Variants in TCF4 observed in about 807,000 individuals in gnomAD.
TCF4 encodes transcription factor 4, also known as SL3-3 enhancer factor 2.
A neutral mutation model predicts 82.1 loss-of-function variants in TCF4; 3 were observed. That is an observed-to-expected ratio of 0.04 (90% CI 0.02 to 0.09). The LOEUF is 0.09. Ranked by LOEUF, TCF4 falls within the 10% of genes least tolerant of loss-of-function variation. The pLI, the probability that TCF4 is intolerant of heterozygous loss-of-function variation, is 1.00. For missense variants in TCF4, 518 were observed against 852.7 expected (o/e 0.61, Z 4.89); for synonymous variants, 276 against 309.6 (o/e 0.89, Z 1.14).
intron 8 of TCF4, among the ~76,000 whole-genome samples, chr18:55,296,195 T>C (rs2066459495): frequency 6.6e-6 from 1 of 152,012 alleles, no homozygotes; most frequent in African/African-American, 2.4e-5. Context: ...CTGAAACTGA[T>C]AATCTCAGGC....
At chr18:55,531,414 G>A (rs1386518240) in intron 3 of TCF4, among the ~76,000 whole-genome samples, 1 of 152,114 alleles carries the variant, frequency 6.6e-6, no homozygotes, top group African/African-American at 2.4e-5. Context: ...AGTAGAGAAT[G>A]GGGGAAGGAA....
intron 9 of TCF4, among the ~76,000 whole-genome samples, chr18:55,278,450 A>G (rs1404906041): frequency 2.0e-5 from 3 of 152,258 alleles, no homozygotes; most frequent in Non-Finnish European, 4.4e-5. Context: ...AGTGCCACAC[A>G]CATATCAGGA....
intron 3 of TCF4, among the ~76,000 whole-genome samples, chr18:55,570,834 G>T (rs1470628226): frequency 6.7e-6 from 1 of 149,716 alleles, no homozygotes; most frequent in Non-Finnish European, 1.5e-5. Flanking sequence ...GTGAGCCGAG[G>T]TTGCAAAACT....
At chr18:55,246,251 G>GTGTGTGTT in intron 15 of TCF4, among the ~76,000 whole-genome samples, 1 of 150,436 alleles carries the variant, frequency 6.6e-6, no homozygotes, top group East Asian at 1.9e-4. Context: ...GTGTGTGTGT[G>GTGTGTGTT]TGTGTGTGTG....
At chr18:55,541,482 T>C (rs1190700902) in intron 3 of TCF4, among the ~76,000 whole-genome samples, 1 of 152,050 alleles carries the variant, frequency 6.6e-6, no homozygotes, top group East Asian at 1.9e-4. Flanking sequence ...ATAAAAATCA[T>C]GTTGATGCTA....
intron 3 of TCF4, among the ~76,000 whole-genome samples, chr18:55,500,656 C>T (rs979430519): frequency 3.9e-5 from 6 of 152,208 alleles, no homozygotes; most frequent in African/African-American, 1.4e-4. Context: ...CTCTCACCCT[C>T]AAGAGAGTGG....
chr18:55,382,141 G>A (rs1255107076), intron 6 of TCF4, among the ~76,000 whole-genome samples: 3 of 152,004 alleles, frequency 2.0e-5, no homozygotes, highest in African/African-American at 7.2e-5. Flanking sequence ...TTCTATATTG[G>A]GATATATATT....
intron 5 of TCF4, among the ~76,000 whole-genome samples, chr18:55,410,713 A>C (rs2094310027): frequency 6.6e-6 from 1 of 152,072 alleles, no homozygotes. Flanking sequence ...TAGATGTATC[A>C]TTATTAGTGC....
At chr18:55,237,496 G>C (rs1396519931) in intron 15 of TCF4, among the ~76,000 whole-genome samples, 1 of 135,598 alleles carries the variant, frequency 7.4e-6, no homozygotes, top group Non-Finnish European at 1.5e-5. Context: ...TGGAGACAGA[G>C]TCTTGCTCTG....
chr18:55,575,768 T>C (rs1026332084), intron 3 of TCF4, among the ~76,000 whole-genome samples: 3 of 152,168 alleles, frequency 2.0e-5, no homozygotes, highest in African/African-American at 2.4e-5. Context: ...GGTATACACA[T>C]ACACACACAC....
At chr18:55,380,241 G>T (rs151149562) in intron 6 of TCF4, among the ~76,000 whole-genome samples, 27 of 151,992 alleles carry the variant, frequency 1.8e-4, no homozygotes, top group African/African-American at 6.0e-4. Context: ...AAGAGAGAAG[G>T]CTGGCTAGCT....
intron 6 of TCF4, among the ~76,000 whole-genome samples, chr18:55,371,357 G>A (rs2089107499): frequency 6.6e-6 from 1 of 152,136 alleles, no homozygotes; most frequent in African/African-American, 2.4e-5. Context: ...AGGAACCTGG[G>A]ATCCAAGCCT....
At chr18:55,281,718 T>C (rs1002355579) in intron 8 of TCF4, among the ~76,000 whole-genome samples, 2 of 151,878 alleles carry the variant, frequency 1.3e-5, no homozygotes, top group Admixed American at 1.3e-4. Context: ...TTTTCTTTTT[T>C]TTTTTCCAAT....
chr18:55,569,022 T>C (rs1341116345), intron 3 of TCF4, among the ~76,000 whole-genome samples: 1 of 152,160 alleles, frequency 6.6e-6, no homozygotes, highest in Non-Finnish European at 1.5e-5. Flanking sequence ...GAAAAAGTAT[T>C]TGATAAAATT....
intron 6 of TCF4, among the ~76,000 whole-genome samples, chr18:55,386,312 A>G (rs1171113476): frequency 6.6e-6 from 1 of 152,256 alleles, no homozygotes; most frequent in African/African-American, 2.4e-5. Flanking sequence ...ACCCATGGAC[A>G]GCAAAATACG....
intron 15 of TCF4, among the ~76,000 whole-genome samples, chr18:55,236,975 T>G (rs1319688425): frequency 6.6e-6 from 1 of 152,180 alleles, no homozygotes; most frequent in Non-Finnish European, 1.5e-5. Flanking sequence ...TGACATAACT[T>G]AAGAGTAATG....
chr18:55,446,844 G>C (rs190698694), intron 5 of TCF4, among the ~76,000 whole-genome samples: 1 of 151,930 alleles, frequency 6.6e-6, no homozygotes, highest in Non-Finnish European at 1.5e-5. Flanking sequence ...AAATTAGCTG[G>C]GCGTGGTGGT....
chr18:55,267,175 C>T (rs376931818), intron 11 of TCF4: 9 of 152,282 alleles, frequency 5.9e-5, no homozygotes, highest in East Asian at 5.8e-4. Flanking sequence ...TCTACAGAAT[C>T]GTGTGTAATC....
intron 3 of TCF4, among the ~76,000 whole-genome samples, chr18:55,483,377 T>G (rs1373425966): frequency 2.6e-5 from 4 of 152,226 alleles, no homozygotes; most frequent in Admixed American, 2.6e-4. Context: ...ATTTAAATAC[T>G]CATTCGTTTC....
Sources: gnomAD v4.1 joint callset for allele counts (sites outside exome capture counted in the v4.1 genomes callset) on GRCh38, gnomAD v4.1.1 for gene constraint, MANE v1.5 for transcripts, NCBI Gene and HGNC (gene_info 2026-07-23, HGNC 2026-07-21) for gene names.